Variants in UPF3A observed in about 807,000 individuals in gnomAD.
UPF3A encodes UPF3A regulator of nonsense mediated mRNA decay.
In UPF3A, 42 loss-of-function variants were observed where a neutral mutation model predicts 53.5. The ratio of observed to expected loss-of-function variants is 0.78; its 90% CI spans 0.61 to 1.01. UPF3A has a LOEUF of 1.01. Ranked by LOEUF, UPF3A falls within the 50% of genes least tolerant of loss-of-function variation. UPF3A has a pLI of 0.00. For missense variants in UPF3A, 575 were observed against 598.0 expected (o/e 0.96, Z 0.40); for synonymous variants, 237 against 225.3 (o/e 1.05, Z -0.47).
At chr13:114,286,663 T>TA (rs2084724195) in intron 5 of UPF3A, 34 bp downstream of exon 5, 1 of 1,535,252 alleles carries the variant, frequency 6.5e-7, no homozygotes, top group African/African-American at 1.4e-5. Context: ...TTTTCTTTAT[T>TA]GAGAGATTTA....
intron 3 of UPF3A, chr13:114,285,125 A>G (rs1165991950): frequency 1.3e-5 from 2 of 152,208 alleles, no homozygotes; most frequent in Non-Finnish European, 2.9e-5. Flanking sequence ...GGTGTTAGGT[A>G]AGGGTCCAGC....
intron 3 of UPF3A, chr13:114,283,851 C>T (rs1245298771): frequency 2.0e-6 from 2 of 985,220 alleles, no homozygotes; most frequent in Non-Finnish European, 2.4e-6. Context: ...TGTTTTCTGC[C>T]CTCCCCTCCC....
In UPF3A at chr13:114,286,384, T is replaced by C; in HGVS notation, c.504T>C (p.Thr168=). 6.2e-7 allele frequency: 1 copy of C among 1,614,226 alleles called. No individual in the cohort carries two copies. Among genetic ancestry groups the C allele is most frequent in the Non-Finnish European group, 8.5e-7 (1 of 1,180,032 alleles). ...AGCTGAGAAAAAAAGATGCCAAGAC[T>C]GGAAGCATCGAAGATGGTGAGCCCT... The part of the protein sequence containing the change: ...KKKLRKKDAK[T]GSIEDDPEYK... The change falls in exon 4 of 10, where the codon ACT becomes ACC. Residue 168 remains threonine, a synonymous_variant. Coordinates refer to ENST00000375299, the MANE Select transcript of UPF3A (RefSeq NM_023011.4).
chr13:114,294,328 G>T (rs1016243770), intron 7 of UPF3A, among the ~76,000 whole-genome samples: 1 of 151,492 alleles, frequency 6.6e-6, no homozygotes, highest in Non-Finnish European at 1.5e-5. Context: ...GAGTGTAGTG[G>T]CACAGTCACA....
At chr13:114,301,631 G>A (rs541838468) in intron 8 of UPF3A, 100 bp from the exon 9 acceptor site, 19 of 1,247,484 alleles carry the variant, frequency 1.5e-5, no homozygotes, top group Non-Finnish European at 1.9e-5. Context: ...TGAGCACTTC[G>A]CATGGGTCCC....
chr13:114,281,656 A>G lies in UPF3A; in HGVS notation c.17A>G (p.Glu6Gly). ...GAGTGCGGCATGCGCTCGGAAAAGGAGGGGGCCGGAGGCCTTCGGGCGGCC... is the reference window on the plus strand; with the variant it reads ...GAGTGCGGCATGCGCTCGGAAAAGGGGGGGGCCGGAGGCCTTCGGGCGGCC... MRSEK[E>G]GAGGLRAAVA... Residue 6 changes from glutamate to glycine, a missense_variant, in exon 1 of 10, where the codon GAG becomes GGG. Around this residue, in one of 2 missense-constraint regions of UPF3A, gnomAD observed 252 missense variants for 182.7 expected, o/e 1.38. Transcript: ENST00000375299. 1.3e-6 allele frequency: 2 copies of G among 1,503,792 alleles called. No homozygotes were observed. Among genetic ancestry groups the G allele is most frequent in the Non-Finnish European group, 1.8e-6 (2 of 1,127,500 alleles). 93.2% of individuals were successfully genotyped at this position (1,503,792 alleles called of 1,614,324 possible). A position where few individuals can be genotyped will look rare whatever the true frequency, so the allele number is the denominator to read the frequency against.
chr13:114,289,718 T>C (rs142816607), intron 5 of UPF3A, among the ~76,000 whole-genome samples: 1,906 of 152,280 alleles, frequency 0.013, 18 homozygotes, highest in Non-Finnish European at 0.019. Flanking sequence ...CATCGGCCTT[T>C]AGAGCAGACA....
Position 114,304,887 on chromosome 13 carries a change from T to C in UPF3A, c.1401T>C (p.Thr467=), listed in dbSNP as rs1368481636. ...TCTGCAAGGCAGAAGGTTCGGGGAC[T>C]GGTCCTGAGAAGAGGGAAGAGGCAG... ...RRICKAEGSG[T]GPEKREEAE Residue 467 remains threonine, a synonymous_variant, in exon 10 of 10, where the codon ACT becomes ACC. Transcript: ENST00000375299. The C allele has an allele frequency of 3.7e-6, 6 of 1,613,620 alleles. No homozygotes were observed. The highest frequency in any genetic ancestry group is 5.1e-6 in the Non-Finnish European group (6 of 1,179,776).
intron 3 of UPF3A, among the ~76,000 whole-genome samples, chr13:114,284,471 T>C (rs2084460015): frequency 6.7e-6 from 1 of 149,992 alleles, no homozygotes; most frequent in African/African-American, 2.5e-5. Context: ...CCGAGGAATG[T>C]AGATCAGTTG....
At chr13:114,282,151 AAG>A (rs747288691) in intron 2 of UPF3A, 24 bp downstream of exon 2, 1 of 1,531,592 alleles carries the variant, frequency 6.5e-7, no homozygotes, top group African/African-American at 1.4e-5. Flanking sequence ...CGAGGGGAGG[AAG>A]AGAGGGCGGA....
At chr13:114,295,438 G>GCTCCCCAGCTCGTCTCCAGCAGCT (rs1566757543) in intron 7 of UPF3A, among the ~76,000 whole-genome samples, 8 of 152,078 alleles carry the variant, frequency 5.3e-5, no homozygotes, top group Non-Finnish European at 7.4e-5. Context: ...GCTCTGGCCT[G>GCTCCCCAGCTCGTCTCCAGCAGCT]CTGGTTTCTC....
At chr13:114,298,811 G>A in intron 7 of UPF3A, 29 bp from the exon 8 acceptor site, 3 of 1,510,478 alleles carry the variant, frequency 2.0e-6, no homozygotes, top group East Asian at 2.4e-5. Context: ...CTCTCAAGGT[G>A]ATACTTTACT....
intron 7 of UPF3A, among the ~76,000 whole-genome samples, chr13:114,297,222 G>A (rs9525318): frequency 3.1e-4 from 39 of 124,598 alleles, no homozygotes; most frequent in South Asian, 2.4e-3. Flanking sequence ...TGGTGCTTCC[G>A]TTTTTTTTTT....
chr13:114,281,958 G>T (rs1462395119), intron 1 of UPF3A, 63 bp from the exon 2 acceptor site: 4 of 1,458,366 alleles, frequency 2.7e-6, no homozygotes, highest in South Asian at 1.2e-5. Flanking sequence ...CGCGGTACGC[G>T]GTGCCTTTTG....
chr13:114,303,684 G>A (rs1262418288), intron 9 of UPF3A, among the ~76,000 whole-genome samples: 1 of 152,120 alleles, frequency 6.6e-6, no homozygotes, highest in African/African-American at 2.4e-5. Flanking sequence ...TACTCAGGAG[G>A]CTGAGGCAGA....
rs1382028983 is a variant in UPF3A, at chr13:114,286,419, C to G, written c.520+19C>G. 2 of 1,613,204 alleles carry G rather than the reference C, an allele frequency of 1.2e-6. No homozygotes were observed. The highest frequency in any genetic ancestry group is 1.7e-6 in the Non-Finnish European group (2 of 1,180,002). On this transcript the variant is annotated intron_variant, in intron 4 of 9. Transcript: ENST00000375299. ...GAAGATGGTGAGCCCTTTCCAAGTGCTACGTTATGAAGCTGCCAAATTAAG... is the reference window on the plus strand; with the variant it reads ...GAAGATGGTGAGCCCTTTCCAAGTGGTACGTTATGAAGCTGCCAAATTAAG...
At chr13:114,284,716 C>A (rs1401822709) in intron 3 of UPF3A, among the ~76,000 whole-genome samples, 2 of 151,838 alleles carry the variant, frequency 1.3e-5, no homozygotes, top group African/African-American at 4.8e-5. Context: ...AAAAAAGTCA[C>A]AAAATTTATA....
At chr13:114,282,732 G>C (rs1373396179) in intron 2 of UPF3A, 105 bp from the exon 3 acceptor site, 4 of 1,510,178 alleles carry the variant, frequency 2.6e-6, no homozygotes, top group Non-Finnish European at 3.5e-6. Flanking sequence ...TGGCACAAAA[G>C]TTTTATCTAA....
In UPF3A at chr13:114,282,828, T is replaced by C. The variant is rs570683687; in HGVS notation, c.315-9T>C. The stretch of plus-strand genomic sequence containing the variant: ...CACTGACCATTTTCACTGTTATCTC[T>C]TATTTCAGTCTTTATCCTCATCTCT... On this transcript the variant is annotated splice_polypyrimidine_tract_variant and intron_variant, in intron 2 of 9. Coordinates refer to ENST00000375299, the MANE Select transcript of UPF3A (RefSeq NM_023011.4). The C allele has an allele frequency of 5.8e-4, 921 of 1,597,402 alleles. 11 individuals are homozygous for C. In the South Asian group the frequency reaches 9.8e-3, roughly 17 times the overall value.
Sources: allele counts gnomAD v4.1 joint callset (sites outside exome capture counted in the v4.1 genomes callset), GRCh38; gene constraint gnomAD v4.1.1; regional missense constraint gnomAD v4.1.1; transcripts MANE v1.5; gene names NCBI Gene and HGNC (gene_info 2026-07-23, HGNC 2026-07-21).